Variants in RHBDL3 observed in about 807,000 individuals in gnomAD.
The protein encoded by RHBDL3 is rhomboid like 3, also known as rhomboid-related protein 3.
Under a neutral mutation model 48.2 loss-of-function variants are expected in RHBDL3, and 28 were observed. The ratio of observed to expected loss-of-function variants is 0.58; its 90% CI spans 0.43 to 0.80. The LOEUF is 0.80. Among genes scored for constraint, RHBDL3 ranks in the 30% least tolerant of loss-of-function variants. The pLI, the probability that RHBDL3 is intolerant of heterozygous loss-of-function variation, is 0.00. For synonymous variants in RHBDL3, 208 were observed against 232.3 expected (o/e 0.90, Z 0.95); for missense variants, 464 against 542.7 (o/e 0.85, Z 1.44).
intron 6 of RHBDL3, among the ~76,000 whole-genome samples, chr17:32,302,549 ATATT>A (rs961902362): frequency 1.0e-4 from 5 of 49,318 alleles, no homozygotes; most frequent in South Asian, 4.7e-4. Flanking sequence ...ATATATATAT[ATATT>A]TTTTTTTAGT....
chr17:32,304,319 A>G (rs547874622), intron 6 of RHBDL3, among the ~76,000 whole-genome samples: 59 of 152,108 alleles, frequency 3.9e-4, no homozygotes, highest in Non-Finnish European at 7.1e-4. Context: ...ACGTAACCCT[A>G]AGCAGTTTTC....
chr17:32,267,710 T>G, intron 1 of RHBDL3, 192 bp from the exon 2 acceptor site: 5 of 1,247,756 alleles, frequency 4.0e-6, no homozygotes, highest in East Asian at 4.3e-5. Context: ...CTGCTCAGTG[T>G]GGACTCATTG....
At chr17:32,287,095 C>A (rs1003040243) in intron 3 of RHBDL3, among the ~76,000 whole-genome samples, 1 of 152,152 alleles carries the variant, frequency 6.6e-6, no homozygotes, top group African/African-American at 2.4e-5. Flanking sequence ...ATGATGGCAC[C>A]CTTTTTTACT....
intron 2 of RHBDL3, among the ~76,000 whole-genome samples, chr17:32,281,826 C>T (rs564816125): frequency 2.6e-5 from 4 of 152,242 alleles, no homozygotes; most frequent in South Asian, 2.1e-4. Flanking sequence ...CTCCTGGGCC[C>T]ACACTCACCT....
Position 32,265,997 on chromosome 17 carries a change from C to G in RHBDL3, c.-193C>G, listed in dbSNP as rs1476309951. 6.8e-6 allele frequency among the ~76,000 whole-genome samples: 1 copy of G among 146,248 alleles called. No individual in the cohort carries two copies. Among genetic ancestry groups the G allele is most frequent in the African/African-American group, 2.5e-5 (1 of 40,782 alleles). On this transcript the variant is annotated 5_prime_UTR_variant, in exon 1 of 9. Coordinates refer to ENST00000269051, the MANE Select transcript of RHBDL3 (RefSeq NM_138328.3). ...GTTTGGCGGCGGAGGGGCCGGGCGTCCCGGGGTCGCGAGGAGGCGGCGGCG... is the reference window on the plus strand; with the variant it reads ...GTTTGGCGGCGGAGGGGCCGGGCGTGCCGGGGTCGCGAGGAGGCGGCGGCG...
In RHBDL3 at chr17:32,289,034, G is replaced by A. The variant is rs945635823; in HGVS notation, c.519+18G>A. 1 of 1,610,804 alleles carries A rather than the reference G, an allele frequency of 6.2e-7. No individual in the cohort carries two copies. The highest frequency in any genetic ancestry group is 1.1e-5 in the South Asian group (1 of 91,038). On this transcript the variant is annotated intron_variant, in intron 4 of 8. Coordinates refer to ENST00000269051, the MANE Select transcript of RHBDL3 (RefSeq NM_138328.3). ...TGCTGGAGGCAAGGACAAGGGTGGG[G>A]AGGGGGTTGCTCTGCCTTGGGGAGT...
chr17:32,293,123 C>T (rs1001763597), intron 4 of RHBDL3, among the ~76,000 whole-genome samples: 15 of 128,140 alleles, frequency 1.2e-4, no homozygotes, highest in African/African-American at 4.5e-4. Context: ...CTAGAGTAGT[C>T]AAATTCATGG....
chr17:32,311,189 G>T (rs946965197), intron 7 of RHBDL3, among the ~76,000 whole-genome samples: 1 of 152,338 alleles, frequency 6.6e-6, no homozygotes, highest in South Asian at 2.1e-4. Context: ...GGCTCTGGGA[G>T]AATGAAATTA....
At chr17:32,283,547 T>G (rs1353581208) in intron 2 of RHBDL3, among the ~76,000 whole-genome samples, 2 of 151,948 alleles carry the variant, frequency 1.3e-5, no homozygotes, top group East Asian at 3.9e-4. Flanking sequence ...ATGGTCTCCA[T>G]CTCCTGACCT....
intron 2 of RHBDL3, among the ~76,000 whole-genome samples, chr17:32,275,282 G>A (rs2039871465): frequency 6.6e-6 from 1 of 152,216 alleles, no homozygotes; most frequent in Admixed American, 6.5e-5. Flanking sequence ...GAGTCAGCAT[G>A]GATGTTACAT....
At chr17:32,293,419 T>C (rs2040378343) in intron 4 of RHBDL3, among the ~76,000 whole-genome samples, 1 of 151,886 alleles carries the variant, frequency 6.6e-6, no homozygotes, top group South Asian at 2.1e-4. Context: ...CCATCTCTAC[T>C]AAAAATTCAA....
At chr17:32,319,894 C>T (rs186259570) in intron 8 of RHBDL3, among the ~76,000 whole-genome samples, 1 of 152,138 alleles carries the variant, frequency 6.6e-6, no homozygotes. Context: ...ATGGCAGTTT[C>T]CTAGCGCCCA....
At chr17:32,314,278 T>C (rs1244201135) in intron 7 of RHBDL3, among the ~76,000 whole-genome samples, 1 of 152,170 alleles carries the variant, frequency 6.6e-6, no homozygotes, top group Non-Finnish European at 1.5e-5. Flanking sequence ...TATATAGACA[T>C]ATGTATGTAT....
intron 7 of RHBDL3, among the ~76,000 whole-genome samples, chr17:32,312,886 T>C (rs937930367): frequency 1.3e-5 from 2 of 152,100 alleles, no homozygotes; most frequent in African/African-American, 4.8e-5. Context: ...TTCAGCTCAC[T>C]GCAACCTCCA....
chr17:32,317,632 G>A (rs1030250869), intron 8 of RHBDL3, among the ~76,000 whole-genome samples: 3 of 152,172 alleles, frequency 2.0e-5, no homozygotes. Flanking sequence ...ATTCGTTTTG[G>A]GATTGTGTGT....
At position 32,321,249 on chromosome 17, in the gene RHBDL3, G is replaced by A. The variant is rs1468060735; in HGVS notation, c.*20G>A. The stretch of plus-strand genomic sequence containing the variant: ...CCCTGAGGGCTGGAGGCCCAAGGTC[G>A]GGGAGGGGAGGGAAAAGCAGCACCC... On this transcript the variant is annotated 3_prime_UTR_variant, in exon 9 of 9. Transcript: ENST00000269051. The A allele has an allele frequency of 6.8e-6, 11 of 1,613,806 alleles. No individual in the cohort carries two copies. The highest frequency in any genetic ancestry group is 1.3e-5 in the African/African-American group (1 of 74,942).
intron 5 of RHBDL3, among the ~76,000 whole-genome samples, chr17:32,297,313 C>T (rs192639746): frequency 9.9e-4 from 151 of 152,110 alleles, no homozygotes; most frequent in South Asian, 9.4e-3. Context: ...ACTAAAAATA[C>T]AAAAATTAGC....
chr17:32,279,735 TC>T (rs201559361), intron 2 of RHBDL3, among the ~76,000 whole-genome samples: 1,732 of 152,202 alleles, frequency 0.011, 44 homozygotes, highest in African/African-American at 0.039. Context: ...CCCTTATAGC[TC>T]CCTGAGAAGA....
intron 2 of RHBDL3, among the ~76,000 whole-genome samples, chr17:32,273,570 G>A (rs773401568): frequency 9.8e-5 from 15 of 152,310 alleles, no homozygotes; most frequent in Non-Finnish European, 1.9e-4. Flanking sequence ...TTTCTCATCC[G>A]TAAAGTGCCA....
Sources: allele counts gnomAD v4.1 joint callset (sites outside exome capture counted in the v4.1 genomes callset), GRCh38; gene constraint gnomAD v4.1.1; transcripts MANE v1.5; gene names NCBI Gene and HGNC (gene_info 2026-07-23, HGNC 2026-07-21).